Variants in TFB1M observed in about 807,000 individuals in gnomAD.
TFB1M encodes the protein dimethyladenosine transferase 1, mitochondrial.
Under a neutral mutation model 31.1 loss-of-function variants are expected in TFB1M, and 27 were observed. The observed-to-expected ratio is 0.87, with a 90% CI of 0.64 to 1.20. The LOEUF (loss-of-function observed/expected upper bound fraction) is 1.20, where lower values mean the gene tolerates loss of function less well. Among genes scored for constraint, TFB1M ranks in the 50% most tolerant of loss-of-function variants. TFB1M has a pLI of 0.00. For missense variants in TFB1M, 394 were observed against 418.7 expected, an observed-to-expected ratio of 0.94 and a Z score of 0.51; for synonymous variants, 166 against 151.8, an observed-to-expected ratio of 1.09 and a Z score of -0.69.
At chr6:155,279,452 A>G (rs1386934206) in intron 5 of TFB1M, among the ~76,000 whole-genome samples, 2 of 152,148 alleles carry the variant, frequency 1.3e-5, no homozygotes, top group Admixed American at 6.5e-5. Context: ...TCCAAGGTTT[A>G]GGCTTGGATG....
At chr6:155,249,852 A>C in the TFB1M span, 2 of 1,609,134 alleles carry the variant, frequency 1.2e-6, no homozygotes, top group Non-Finnish European at 1.7e-6. Context: ...ATCTTGCAGA[A>C]GCACTAAAGG....
At chr6:155,286,591 GTGTGTATATATGTGTGTATATATA>G (rs1250147515) in intron 4 of TFB1M, among the ~76,000 whole-genome samples, 7 of 145,694 alleles carry the variant, frequency 4.8e-5, no homozygotes, top group African/African-American at 1.0e-4. Flanking sequence ...ATATGTATAT[GTGTGTATATATGTGTGTATATATA>G]TGTGTATATA....
chr6:155,264,570 G>T (rs1395392033), intron 5 of TFB1M, among the ~76,000 whole-genome samples: 2 of 152,176 alleles, frequency 1.3e-5, no homozygotes, highest in African/African-American at 4.8e-5. Flanking sequence ...TTGTGTTATT[G>T]TAACAATATT....
chr6:155,269,589 T>A (rs1176482987), intron 5 of TFB1M, among the ~76,000 whole-genome samples: 1 of 152,162 alleles, frequency 6.6e-6, no homozygotes, highest in Non-Finnish European at 1.5e-5. Flanking sequence ...CCCAAAGTGT[T>A]GGGATTACAG....
intron 5 of TFB1M, among the ~76,000 whole-genome samples, chr6:155,269,935 A>G (rs1350181961): frequency 6.6e-6 from 1 of 152,244 alleles, no homozygotes; most frequent in Non-Finnish European, 1.5e-5. Context: ...CTGGCACAGG[A>G]GAATCAGTGA....
At chr6:155,231,212 T>C in the TFB1M span, among the ~76,000 whole-genome samples, 2 of 152,226 alleles carry the variant, frequency 1.3e-5, no homozygotes, top group African/African-American at 2.4e-5. Flanking sequence ...CTGGCATCAC[T>C]GGCAGCTGCT....
chr6:155,233,835 C>T, the TFB1M span, among the ~76,000 whole-genome samples: 21 of 152,048 alleles, frequency 1.4e-4, no homozygotes, highest in Non-Finnish European at 1.6e-4. Flanking sequence ...TGGTGGCATG[C>T]GCCTGGAGTT....
At chr6:155,275,901 T>C in intron 5 of TFB1M, 3 of 1,614,152 alleles carry the variant, frequency 1.9e-6, no homozygotes, top group Non-Finnish European at 1.7e-6. Flanking sequence ...AGCACTGGGA[T>C]GTTCAGCTGT....
At chr6:155,268,208 C>A (rs1021490629) in intron 5 of TFB1M, among the ~76,000 whole-genome samples, 1 of 152,168 alleles carries the variant, frequency 6.6e-6, no homozygotes, top group African/African-American at 2.4e-5. Context: ...GTCTCCAATT[C>A]TGATCTCTTT....
At chr6:155,286,038 A>G (rs1776612547) in intron 4 of TFB1M, among the ~76,000 whole-genome samples, 1 of 152,168 alleles carries the variant, frequency 6.6e-6, no homozygotes, top group Non-Finnish European at 1.5e-5. Context: ...CAGACATCAA[A>G]TTGATGCAGG....
the TFB1M span, chr6:155,240,827 A>G: frequency 3.8e-6 from 4 of 1,043,214 alleles, no homozygotes; most frequent in Middle Eastern, 2.7e-4. Flanking sequence ...AGGGGGGGAC[A>G]CCTGCTCCTT....
At chr6:155,281,196 T>C (rs1263376771) in intron 5 of TFB1M, among the ~76,000 whole-genome samples, 2 of 152,212 alleles carry the variant, frequency 1.3e-5, no homozygotes, top group Admixed American at 1.3e-4. Context: ...TCTGCATTGA[T>C]TATTTCTATT....
At chr6:155,238,572 G>A in the TFB1M span, among the ~76,000 whole-genome samples, 1 of 152,214 alleles carries the variant, frequency 6.6e-6, no homozygotes, top group African/African-American at 2.4e-5. Context: ...GGCCTGGAAC[G>A]TTACTGGGCT....
the TFB1M span, chr6:155,249,989 C>T: frequency 1.3e-6 from 2 of 1,587,544 alleles, no homozygotes; most frequent in African/African-American, 2.7e-5. Context: ...ACATCTGCAC[C>T]CTGGGAGCCT....
intron 4 of TFB1M, among the ~76,000 whole-genome samples, chr6:155,286,487 GTATATATATGTGTGTA>G (rs1228604039): frequency 1.4e-4 from 2 of 13,832 alleles, no homozygotes; most frequent in African/African-American, 3.3e-4. Flanking sequence ...ATATGTGTGT[GTATATATATGTGTGTA>G]TATATATGTG....
At chr6:155,265,770 A>G (rs1784609836) in intron 5 of TFB1M, among the ~76,000 whole-genome samples, 1 of 146,340 alleles carries the variant, frequency 6.8e-6, no homozygotes, top group Non-Finnish European at 1.5e-5. Context: ...TTTAATATAT[A>G]ATATGTAAAT....
chr6:155,268,533 G>A (rs1784766099), intron 5 of TFB1M, among the ~76,000 whole-genome samples: 1 of 152,180 alleles, frequency 6.6e-6, no homozygotes, highest in Non-Finnish European at 1.5e-5. Flanking sequence ...CTTTCAGAAA[G>A]ACAATAAAAG....
In TFB1M at chr6:155,257,190, CAAAAAAAA is replaced by C. The variant is rs11455127; in HGVS notation, c.*638_*645del. 2.4e-5 allele frequency: 13 copies of C among 543,890 alleles called. No individual in the cohort carries two copies. The highest frequency in any genetic ancestry group is 4.5e-5 in the South Asian group (2 of 44,058). The allele number at this position is 543,890 out of a possible 1,614,324, so 33.7% of individuals were successfully genotyped here. On this transcript the variant is annotated 3_prime_UTR_variant, in exon 7 of 7. Coordinates refer to ENST00000367166, the MANE Select transcript of TFB1M (RefSeq NM_016020.4). ...TAAACTGGTGGTAAAGTGGAAATTG[CAAAAAAAA>C]AAAAAAAAAAAAACTGTTCATTCCT...
chr6:155,277,790 A>T (rs1785289485), intron 5 of TFB1M, among the ~76,000 whole-genome samples: 1 of 152,214 alleles, frequency 6.6e-6, no homozygotes, highest in African/African-American at 2.4e-5. Flanking sequence ...CAAGTGTCAT[A>T]CTAAAAAGAA....
Sources: allele counts gnomAD v4.1 joint callset (sites outside exome capture counted in the v4.1 genomes callset), GRCh38; gene constraint gnomAD v4.1.1; transcripts MANE v1.5; gene names NCBI Gene and HGNC (gene_info 2026-07-23, HGNC 2026-07-21).